Variants in CRYZL1 observed in about 807,000 individuals in gnomAD.
The protein encoded by CRYZL1 is ferry endosomal RAB5 effector complex subunit 4.
CRYZL1 carries 34 observed loss-of-function variants against 50.6 expected under a neutral mutation model. That is an observed-to-expected ratio of 0.67 (90% CI 0.51 to 0.89). The LOEUF (loss-of-function observed/expected upper bound fraction) is 0.89. Among genes scored for constraint, CRYZL1 ranks in the 40% least tolerant of loss-of-function variants. CRYZL1 has a pLI of 0.00. For missense variants in CRYZL1, 354 were observed against 402.3 expected (o/e 0.88, Z 1.03); for synonymous variants, 125 against 134.3 (o/e 0.93, Z 0.48).
At chr21:33,611,023 G>A (rs576739597) in intron 6 of CRYZL1, among the ~76,000 whole-genome samples, 2 of 152,220 alleles carry the variant, frequency 1.3e-5, no homozygotes, top group South Asian at 2.1e-4. Context: ...GAGCCACCGC[G>A]CCCAGCCAAT....
At chr21:33,595,006 T>TA (rs775657183) in intron 11 of CRYZL1, 4 of 203,958 alleles carry the variant, frequency 2.0e-5, no homozygotes, top group Non-Finnish European at 2.8e-5. Flanking sequence ...ACTTTTTTTT[T>TA]ATCCAATACA....
intron 1 of CRYZL1, chr21:33,641,202 G>A (rs1164129552): frequency 1.3e-6 from 2 of 1,550,528 alleles, no homozygotes; most frequent in Non-Finnish European, 1.7e-6. Flanking sequence ...TGATTCCGCC[G>A]TTTAGCATAA....
intron 6 of CRYZL1, among the ~76,000 whole-genome samples, chr21:33,613,226 A>G (rs989232253): frequency 6.6e-6 from 1 of 152,178 alleles, no homozygotes; most frequent in Admixed American, 6.6e-5. Flanking sequence ...GTAAAAAAAA[A>G]TTTTTAATTC....
chr21:33,599,354 T>C (rs1412664966), intron 8 of CRYZL1, 106 bp from the exon 9 acceptor site: 7 of 1,444,710 alleles, frequency 4.8e-6, no homozygotes, highest in Non-Finnish European at 6.7e-6. Context: ...ATTCTTGAAA[T>C]GAGTTAAGCA....
chr21:33,635,562 G>C (rs2087196607), intron 1 of CRYZL1, among the ~76,000 whole-genome samples: 1 of 151,598 alleles, frequency 6.6e-6, no homozygotes, highest in African/African-American at 2.4e-5. Context: ...CACCGTGTTA[G>C]CTAGGATGGT....
intron 1 of CRYZL1, among the ~76,000 whole-genome samples, chr21:33,641,457 T>C (rs1344125617): frequency 6.6e-6 from 1 of 152,116 alleles, no homozygotes; most frequent in Non-Finnish European, 1.5e-5. Flanking sequence ...AGATAAGACC[T>C]ACAATCAAAA....
chr21:33,641,260 T>C (rs1232057739), intron 1 of CRYZL1: 19 of 1,550,312 alleles, frequency 1.2e-5, no homozygotes. Context: ...GAATAACTAC[T>C]AACTGCTTTC....
chr21:33,604,379 A>AG (rs2086789733), intron 6 of CRYZL1, among the ~76,000 whole-genome samples: 1 of 127,672 alleles, frequency 7.8e-6, no homozygotes, highest in Admixed American at 8.2e-5. Context: ...AAAAAAAAAA[A>AG]GTAGCCAGGC....
intron 1 of CRYZL1, chr21:33,641,258 A>T: frequency 1.3e-6 from 2 of 1,550,616 alleles, no homozygotes; most frequent in Non-Finnish European, 8.7e-7. Flanking sequence ...GCGAATAACT[A>T]CTAACTGCTT....
intron 7 of CRYZL1, 61 bp downstream of exon 7, chr21:33,603,343 G>A: frequency 6.3e-7 from 1 of 1,583,144 alleles, no homozygotes; most frequent in Non-Finnish European, 8.6e-7. Flanking sequence ...ATGGCTCATT[G>A]CTAAATTTCC....
intron 2 of CRYZL1, 108 bp from the exon 3 acceptor site, chr21:33,624,868 C>A (rs2087042706): frequency 2.2e-6 from 3 of 1,380,950 alleles, no homozygotes; most frequent in African/African-American, 1.5e-5. Context: ...TTAGACAGAC[C>A]CTAAATCTCA....
chr21:33,606,135 T>C (rs932912697), intron 6 of CRYZL1, among the ~76,000 whole-genome samples: 12 of 152,214 alleles, frequency 7.9e-5, no homozygotes, highest in African/African-American at 2.9e-4. Flanking sequence ...TTACGGATGA[T>C]GAAATAGGGT....
chr21:33,593,251 T>C (rs1168362935), intron 11 of CRYZL1, among the ~76,000 whole-genome samples: 2 of 151,400 alleles, frequency 1.3e-5, no homozygotes, highest in Admixed American at 1.3e-4. Flanking sequence ...GGACTACAGG[T>C]GCCCGCCACC....
chr21:33,607,001 G>A (rs2086821600), intron 6 of CRYZL1, among the ~76,000 whole-genome samples: 1 of 151,866 alleles, frequency 6.6e-6, no homozygotes, highest in African/African-American at 2.4e-5. Context: ...GGCAACAAGA[G>A]TGCAACTCCA....
At chr21:33,598,804 G>C (rs1191517511) in intron 9 of CRYZL1, among the ~76,000 whole-genome samples, 1 of 147,916 alleles carries the variant, frequency 6.8e-6, no homozygotes, top group Non-Finnish European at 1.5e-5. Context: ...AGACATTTTT[G>C]AGTTTTTTTT....
intron 9 of CRYZL1, among the ~76,000 whole-genome samples, chr21:33,598,806 G>GTT (rs775141021): frequency 2.0e-4 from 25 of 125,662 alleles, no homozygotes; most frequent in Non-Finnish European, 2.9e-4. Flanking sequence ...ACATTTTTGA[G>GTT]TTTTTTTTTT....
At chr21:33,617,275 C>T (rs967151027) in intron 4 of CRYZL1, 2 of 153,038 alleles carry the variant, frequency 1.3e-5, no homozygotes, top group Non-Finnish European at 2.9e-5. Flanking sequence ...TTTGGCCTCC[C>T]GAAGTGCTAG....
chr21:33,636,374 A>G (rs924910745), intron 1 of CRYZL1, among the ~76,000 whole-genome samples: 7 of 152,216 alleles, frequency 4.6e-5, no homozygotes, highest in African/African-American at 1.7e-4. Flanking sequence ...TAAACATACA[A>G]AACTTTTTAA....
intron 1 of CRYZL1, among the ~76,000 whole-genome samples, chr21:33,634,880 A>ATAT (rs1491448633): frequency 5.5e-5 from 8 of 144,400 alleles, no homozygotes; most frequent in Non-Finnish European, 1.2e-4. Flanking sequence ...CAACAACAAC[A>ATAT]ATATATATAT....
Sources: gnomAD v4.1 joint callset for allele counts (sites outside exome capture counted in the v4.1 genomes callset) on GRCh38, gnomAD v4.1.1 for gene constraint, MANE v1.5 for transcripts, NCBI Gene and HGNC (gene_info 2026-07-23, HGNC 2026-07-21) for gene names.